Variants in FSHR observed in about 807,000 individuals in gnomAD.
The protein encoded by FSHR is follicle-stimulating hormone receptor.
FSHR carries 46 observed loss-of-function variants against 52.1 expected under a neutral mutation model. The observed-to-expected ratio is 0.88, with a 90% CI of 0.70 to 1.13. The LOEUF (loss-of-function observed/expected upper bound fraction) is 1.13. FSHR is among the 50% of genes most tolerant of loss of function. The pLI is 0.00. For synonymous variants in FSHR, 399 were observed against 309.6 expected (o/e 1.29, Z -3.03); for missense variants, 964 against 834.6 (o/e 1.16, Z -1.91).
intron 2 of FSHR, among the ~76,000 whole-genome samples, chr2:49,067,150 C>T (rs552230150): frequency 6.6e-6 from 1 of 152,118 alleles, no homozygotes; most frequent in Non-Finnish European, 1.5e-5. Flanking sequence ...AAACCAGGGC[C>T]CTGAAAGATA....
At chr2:49,085,078 T>C (rs1225924182) in intron 1 of FSHR, among the ~76,000 whole-genome samples, 1 of 152,150 alleles carries the variant, frequency 6.6e-6, no homozygotes, top group African/African-American at 2.4e-5. Flanking sequence ...TTGATGAACA[T>C]TGATGCAAAA....
intron 3 of FSHR, 36 bp downstream of exon 3, chr2:49,020,050 A>T (rs781199640): frequency 5.7e-6 from 9 of 1,569,630 alleles, no homozygotes; most frequent in Non-Finnish European, 3.5e-6. Context: ...TTTTTCAAGA[A>T]TGGCCATGAG....
At chr2:49,064,047 T>A (rs1243448853) in intron 2 of FSHR, among the ~76,000 whole-genome samples, 1 of 145,578 alleles carries the variant, frequency 6.9e-6, no homozygotes, top group Non-Finnish European at 1.5e-5. Flanking sequence ...AAAAAAGTGG[T>A]AAGGCATGAA....
intron 4 of FSHR, among the ~76,000 whole-genome samples, chr2:49,010,328 A>G (rs1303289747): frequency 6.8e-6 from 1 of 147,934 alleles, no homozygotes; most frequent in African/African-American, 2.5e-5. Flanking sequence ...GCTGGATTAC[A>G]TTTATTGATT....
chr2:49,102,250 G>A (rs936177682), intron 1 of FSHR, among the ~76,000 whole-genome samples: 7 of 152,176 alleles, frequency 4.6e-5, no homozygotes, highest in Non-Finnish European at 8.8e-5. Flanking sequence ...AAGTTGAGCT[G>A]TGGCAATGAT....
chr2:49,136,790 T>C (rs1025572245), intron 1 of FSHR, among the ~76,000 whole-genome samples: 4 of 152,114 alleles, frequency 2.6e-5, no homozygotes, highest in African/African-American at 9.7e-5. Flanking sequence ...AATTGACACA[T>C]GTAAAGCTTC....
In FSHR at chr2:49,020,019, AT is replaced by A; in HGVS notation, c.299+66del. 3.0e-6 allele frequency: 4 copies of A among 1,326,478 alleles called. No homozygotes were observed. In the Admixed American group the frequency reaches 6.7e-5, roughly 22 times the overall value. 82.2% of individuals were successfully genotyped at this position (1,326,478 alleles called of 1,614,324 possible). ...ATGGCAGAATCAGGGCCTCCCAGGA[AT>A]GTAGAAGAACTTTAAGGGTTTTTTC... On this transcript the variant is annotated intron_variant, in intron 3 of 9. Transcript: ENST00000406846.
intron 1 of FSHR, among the ~76,000 whole-genome samples, chr2:49,145,378 A>C (rs908108796): frequency 1.6e-4 from 24 of 152,072 alleles, no homozygotes; most frequent in African/African-American, 5.6e-4. Context: ...CCTTCTTATA[A>C]AATAAAACAA....
intron 4 of FSHR, among the ~76,000 whole-genome samples, chr2:49,013,585 C>G (rs1417121563): frequency 6.9e-6 from 1 of 145,112 alleles, no homozygotes; most frequent in Non-Finnish European, 1.5e-5. Context: ...GGTAGAAGTG[C>G]CTTTGGAGGG....
intron 8 of FSHR, among the ~76,000 whole-genome samples, chr2:48,981,040 TGTG>T (rs1219202443): frequency 1.3e-5 from 2 of 152,194 alleles, no homozygotes; most frequent in African/African-American, 4.8e-5. Flanking sequence ...ATGCTGCTAT[TGTG>T]GGGATCAAAG....
At chr2:49,036,595 C>T (rs1029424003) in intron 2 of FSHR, among the ~76,000 whole-genome samples, 4 of 152,100 alleles carry the variant, frequency 2.6e-5, no homozygotes, top group Non-Finnish European at 5.9e-5. Flanking sequence ...GTGTTCTCAG[C>T]ATCTTGTTTC....
chr2:49,039,873 T>C (rs1668419375), intron 2 of FSHR, among the ~76,000 whole-genome samples: 1 of 152,156 alleles, frequency 6.6e-6, no homozygotes. Context: ...ATGGATATCT[T>C]ATGGTGGAAT....
In FSHR at chr2:49,120,093, C is replaced by T. The variant is rs182080005; in HGVS notation, c.152+34173G>A. Reference sequence around the variant, plus strand: ...CAGACCCACCTGGCCAACATGGTGACGCCCCATCTCTACTAAAAATACAAA... The same window carrying T: ...CAGACCCACCTGGCCAACATGGTGATGCCCCATCTCTACTAAAAATACAAA... On this transcript the variant is annotated intron_variant, in intron 1 of 9. Coordinates refer to ENST00000406846, the MANE Select transcript of FSHR (RefSeq NM_000145.4). 2.2e-3 allele frequency among the ~76,000 whole-genome samples: 329 copies of T among 152,128 alleles called. 5 individuals are homozygous for T. Among genetic ancestry groups the T allele is most frequent in the African/African-American group, 7.5e-3 (311 of 41,492 alleles).
intron 2 of FSHR, among the ~76,000 whole-genome samples, chr2:49,021,882 TATATAG>T (rs1376843910): frequency 2.5e-4 from 11 of 43,920 alleles, no homozygotes; most frequent in African/African-American, 3.2e-4. Context: ...TATATATATA[TATATAG>T]AGAGAGAGAG....
At chr2:49,116,617 G>C (rs1225308257) in intron 1 of FSHR, among the ~76,000 whole-genome samples, 1 of 152,188 alleles carries the variant, frequency 6.6e-6, no homozygotes, top group East Asian at 1.9e-4. Flanking sequence ...GATAGTTGAA[G>C]ATGTCAGCTA....
chr2:49,121,863 T>G (rs926425006), intron 1 of FSHR, among the ~76,000 whole-genome samples: 1 of 152,164 alleles, frequency 6.6e-6, no homozygotes, highest in African/African-American at 2.4e-5. Context: ...CCTTTCGTGA[T>G]CTGTATCTTC....
intron 4 of FSHR, among the ~76,000 whole-genome samples, chr2:49,002,394 A>G (rs1004674190): frequency 5.3e-5 from 8 of 152,076 alleles, no homozygotes; most frequent in African/African-American, 1.9e-4. Flanking sequence ...GGCCCAGTGT[A>G]TTAGTCCCTT....
intron 1 of FSHR, among the ~76,000 whole-genome samples, chr2:49,119,687 G>T (rs1471209265): frequency 6.6e-6 from 1 of 152,010 alleles, no homozygotes; most frequent in Non-Finnish European, 1.5e-5. Context: ...ATCACCCTTG[G>T]ACACGCTCCC....
rs758780668 is a variant in FSHR, at chr2:48,963,126, A to G, written c.1695T>C (p.Ser565=). 2 of 1,614,130 alleles carry G rather than the reference A, an allele frequency of 1.2e-6. No homozygotes were observed. Among genetic ancestry groups the G allele is most frequent in the Admixed American group, 3.3e-5 (2 of 60,018 alleles). ...TGCGCTTGGCGATCCTGGTGTCACT[A>G]GAGGAGGACACGATGTTGGGGTTCC... ...TVRNPNIVSS[S]SDTRIAKRMA... The change falls in exon 10 of 10, where the codon TCT becomes TCC. Residue 565 remains serine (S), a synonymous_variant. Transcript: ENST00000406846.
Sources: gnomAD v4.1 joint callset for allele counts (sites outside exome capture counted in the v4.1 genomes callset) on GRCh38, gnomAD v4.1.1 for gene constraint, MANE v1.5 for transcripts, NCBI Gene and HGNC (gene_info 2026-07-23, HGNC 2026-07-21) for gene names.